Variants in AGTPBP1 observed in about 807,000 individuals in gnomAD.
AGTPBP1 encodes the protein ATP/GTP binding carboxypeptidase 1, also known as cytosolic carboxypeptidase 1.
A neutral mutation model predicts 143.9 loss-of-function variants in AGTPBP1; 70 were observed. The observed-to-expected ratio is 0.49, with a 90% CI of 0.40 to 0.59. AGTPBP1 has a LOEUF of 0.59. Ranked by LOEUF, AGTPBP1 falls within the 20% of genes least tolerant of loss-of-function variation. The probability of loss-of-function intolerance (pLI) is 0.00; values close to 1 mark genes in which losing one functional copy is unlikely to be tolerated. For synonymous variants in AGTPBP1, 463 were observed against 500.2 expected (o/e 0.93, Z 0.99); for missense variants, 1,229 against 1,464.5 (o/e 0.84, Z 2.62).
chr9:85,765,365 C>A, the AGTPBP1 span, among the ~76,000 whole-genome samples: 8 of 152,274 alleles, frequency 5.3e-5, no homozygotes, highest in African/African-American at 1.7e-4. Flanking sequence ...TTCCATGAAA[C>A]CTTGGTTTAA....
intron 2 of AGTPBP1, among the ~76,000 whole-genome samples, chr9:85,702,659 CT>C (rs370857631): frequency 0.031 from 4,392 of 143,074 alleles, 189 homozygotes; most frequent in African/African-American, 0.1. Flanking sequence ...GTCTCTCTCT[CT>C]TTTTTTTTTT....
At chr9:85,691,158 A>G (rs895436426) in intron 3 of AGTPBP1, among the ~76,000 whole-genome samples, 4 of 152,190 alleles carry the variant, frequency 2.6e-5, no homozygotes, top group Admixed American at 6.5e-5. Context: ...GCCTTAGTTG[A>G]TAAGTACAAT....
the AGTPBP1 span, among the ~76,000 whole-genome samples, chr9:85,790,090 A>C: frequency 2.6e-5 from 4 of 152,350 alleles, no homozygotes; most frequent in South Asian, 6.2e-4. Context: ...AAACATTTAA[A>C]GTTGTAACAG....
At chr9:85,698,842 G>A (rs920485874) in intron 2 of AGTPBP1, among the ~76,000 whole-genome samples, 2 of 151,650 alleles carry the variant, frequency 1.3e-5, no homozygotes, top group Non-Finnish European at 2.9e-5. Flanking sequence ...ACAGGCGCCT[G>A]CAACCACGCC....
intron 11 of AGTPBP1, among the ~76,000 whole-genome samples, chr9:85,653,922 A>AT (rs1833326473): frequency 1.3e-5 from 2 of 152,218 alleles, no homozygotes; most frequent in Non-Finnish European, 1.5e-5. Flanking sequence ...TTTCTTACTC[A>AT]TAAGTCCTAG....
At chr9:85,782,379 G>A in the AGTPBP1 span, among the ~76,000 whole-genome samples, 8 of 152,246 alleles carry the variant, frequency 5.3e-5, no homozygotes, top group South Asian at 2.1e-4. Context: ...GCCAGGTGTG[G>A]TGGTGCATGC....
chr9:85,655,030 C>T (rs1833408892), intron 11 of AGTPBP1, 113 bp downstream of exon 11: 1 of 904,544 alleles, frequency 1.1e-6, no homozygotes, highest in Non-Finnish European at 1.6e-6. Context: ...GAATGTTTAT[C>T]ACGTTAAGTA....
At chr9:85,578,831 C>A (rs1168756978) in intron 24 of AGTPBP1, 89 bp downstream of exon 24, 2 of 1,294,288 alleles carry the variant, frequency 1.5e-6, no homozygotes, top group Non-Finnish European at 1.1e-6. Flanking sequence ...AAACAAACAT[C>A]ATTTAATATA....
intron 17 of AGTPBP1, among the ~76,000 whole-genome samples, chr9:85,603,148 G>T (rs370903159): frequency 4.6e-5 from 7 of 152,132 alleles, no homozygotes; most frequent in African/African-American, 1.7e-4. Flanking sequence ...GTGAATGTGG[G>T]GTGCATGTGG....
intron 18 of AGTPBP1, among the ~76,000 whole-genome samples, chr9:85,592,993 T>C (rs1829068270): frequency 6.6e-6 from 1 of 152,280 alleles, no homozygotes; most frequent in African/African-American, 2.4e-5. Context: ...TACACGTTAC[T>C]GAATCTAGAA....
At chr9:85,646,890 T>C (rs1263526437) in intron 11 of AGTPBP1, among the ~76,000 whole-genome samples, 1 of 152,060 alleles carries the variant, frequency 6.6e-6, no homozygotes, top group Non-Finnish European at 1.5e-5. Context: ...AGAACTGTCT[T>C]GGGCTACACA....
intron 1 of AGTPBP1, among the ~76,000 whole-genome samples, chr9:85,728,485 G>A (rs1323302715): frequency 6.6e-6 from 1 of 152,130 alleles, no homozygotes; most frequent in Non-Finnish European, 1.5e-5. Flanking sequence ...TCATAGGAAA[G>A]TAATGAACAT....
At chr9:85,704,984 T>C (rs1836890806) in intron 2 of AGTPBP1, among the ~76,000 whole-genome samples, 1 of 150,678 alleles carries the variant, frequency 6.6e-6, no homozygotes, top group Non-Finnish European at 1.5e-5. Flanking sequence ...GGACACGCAA[T>C]AAAAAGTATC....
intron 24 of AGTPBP1, among the ~76,000 whole-genome samples, chr9:85,578,422 G>A (rs938992703): frequency 6.6e-6 from 1 of 152,124 alleles, no homozygotes; most frequent in Non-Finnish European, 1.5e-5. Context: ...ACCAGTCTGG[G>A]CAATATGGTG....
At chr9:85,803,155 G>T in the AGTPBP1 span, among the ~76,000 whole-genome samples, 9,283 of 152,200 alleles carry the variant, frequency 0.061, 911 homozygotes, top group African/African-American at 0.2. Context: ...CTGGGGAAGA[G>T]GGGATGGATC....
At chr9:85,712,680 CG>C in intron 1 of AGTPBP1, 114 bp from the exon 2 acceptor site, 1 of 434,882 alleles carries the variant, frequency 2.3e-6, no homozygotes, top group Non-Finnish European at 3.9e-6. Context: ...AAGATAACAC[CG>C]GAAACAAAAA....
chr9:85,742,817 T>C (rs1588022013), upstream of AGTPBP1, among the ~76,000 whole-genome samples: 1 of 152,346 alleles, frequency 6.6e-6, no homozygotes, highest in Middle Eastern at 3.4e-3. Context: ...CTTTTTCACG[T>C]TGCACAAGAA....
chr9:85,646,389 T>G lies in AGTPBP1; in HGVS notation c.1117A>C (p.Asn373His). ...VDDVVDESDD[N>H]DDIDVEAENE... ...TCAGCTTCTACATCAATATCATCGT[T>G]GTCATCACTTTCATCTACTACGTCA... is the stretch of plus-strand genomic sequence containing the variant. Residue 373 changes from asparagine (N) to histidine (H), a missense_variant, in exon 12 of 26, where the codon AAC becomes CAC. Asn to His is a moderately conservative substitution (Grantham distance 68). Coordinates refer to ENST00000357081, the MANE Select transcript of AGTPBP1 (RefSeq NM_001330701.2). 6.2e-7 allele frequency: 1 copy of G among 1,613,108 alleles called. No homozygotes were observed. The highest frequency in any genetic ancestry group is 8.5e-7 in the Non-Finnish European group (1 of 1,179,762).
chr9:85,718,984 T>C (rs1026278432), intron 1 of AGTPBP1, among the ~76,000 whole-genome samples: 3 of 152,074 alleles, frequency 2.0e-5, no homozygotes, highest in African/African-American at 7.3e-5. Flanking sequence ...GTTGCAGATG[T>C]ATGGTGTTAT....
Sources: gnomAD v4.1 joint callset for allele counts (sites outside exome capture counted in the v4.1 genomes callset) on GRCh38, gnomAD v4.1.1 for gene constraint, MANE v1.5 for transcripts, NCBI Gene and HGNC (gene_info 2026-07-23, HGNC 2026-07-21) for gene names.